Variants in KTN1 observed in about 807,000 individuals in gnomAD.
KTN1 encodes kinectin 1, also known as kinectin.
KTN1 carries 130 observed loss-of-function variants against 222.5 expected under a neutral mutation model. The observed-to-expected ratio is 0.58, with a 90% CI of 0.51 to 0.68. KTN1 has a LOEUF of 0.68. Ranked by LOEUF, KTN1 falls within the 30% of genes least tolerant of loss-of-function variation. The pLI is 0.00. For missense variants in KTN1, 1,508 were observed against 1,500.4 expected, an observed-to-expected ratio of 1.01 and a Z score of -0.08; for synonymous variants, 512 against 496.3, an observed-to-expected ratio of 1.03 and a Z score of -0.42.
chr14:55,637,056 A>G, intron 10 of KTN1, 142 bp from the exon 11 acceptor site: 1 of 552,040 alleles, frequency 1.8e-6, no homozygotes, highest in Non-Finnish European at 3.2e-6. Context: ...ACGCAAGTAT[A>G]GCCTGCTACA....
chr14:55,581,645 A>G (rs940736798), intron 1 of KTN1, among the ~76,000 whole-genome samples: 1 of 152,154 alleles, frequency 6.6e-6, no homozygotes, highest in Non-Finnish European at 1.5e-5. Flanking sequence ...ATAGGAGTTG[A>G]CTTAAAGTTA....
chr14:55,621,574 T>G (rs2039134075), intron 5 of KTN1, among the ~76,000 whole-genome samples: 1 of 152,148 alleles, frequency 6.6e-6, no homozygotes, highest in South Asian at 2.1e-4. Flanking sequence ...GGATTTTCCC[T>G]TTTAAAACCC....
rs534439479 is a variant in KTN1, at chr14:55,580,253, T to TGCGGCGGCGGCG, written c.-116_-105dup. Reference sequence around the variant, plus strand: ...AGCGGCGCGACGGCACCTGAGCGACTGCGGCGGCGGCGGCGGCGGCGGCGG... The same window carrying TGCGGCGGCGGCG: ...AGCGGCGCGACGGCACCTGAGCGACTGCGGCGGCGGCGGCGGCGGCGGCGGCGGCGGCGGCGG... On this transcript the variant is annotated 5_prime_UTR_variant, in exon 1 of 44. Transcript: ENST00000395314. 1,573 of 153,914 alleles carry TGCGGCGGCGGCG rather than the reference T, an allele frequency of 0.01. 19 individuals are homozygous for TGCGGCGGCGGCG. Among genetic ancestry groups the TGCGGCGGCGGCG allele is most frequent in the Non-Finnish European group, 0.016 (1,162 of 71,530 alleles). The allele number at this position is 153,914 out of a possible 1,614,324, so 9.5% of individuals were successfully genotyped here.
chr14:55,615,277 C>A (rs1266687151), intron 2 of KTN1, among the ~76,000 whole-genome samples: 1 of 152,070 alleles, frequency 6.6e-6, no homozygotes, highest in Admixed American at 6.6e-5. Context: ...ATATAATCAT[C>A]ACCACTAGCC....
At position 55,634,449 on chromosome 14, in the gene KTN1, C is replaced by T. The variant is rs566082826; in HGVS notation, c.1329-77C>T. ...GAACTACTAGCTCAGCTCAGCAAAA[C>T]TAACAAAGTATGTTTTGTTTATTTC... On this transcript the variant is annotated intron_variant, in intron 8 of 43. Coordinates refer to ENST00000395314, the MANE Select transcript of KTN1 (RefSeq NM_001079521.2). 32 of 726,372 alleles carry T rather than the reference C, an allele frequency of 4.4e-5. No homozygotes were observed. The African/African-American group carries it at 7.6e-4, about 17-fold the overall frequency. 45.0% of individuals were successfully genotyped at this position (726,372 alleles called of 1,614,324 possible). A position where few individuals can be genotyped will look rare whatever the true frequency, so the allele number is the denominator to read the frequency against.
intron 40 of KTN1, chr14:55,675,073 C>T (rs1281781153): frequency 6.6e-6 from 1 of 152,172 alleles, no homozygotes; most frequent in Non-Finnish European, 1.5e-5. Context: ...ATGTCACTGC[C>T]TTGTCTTTCC....
intron 23 of KTN1, 37 bp from the exon 24 acceptor site, chr14:55,650,532 T>G: frequency 6.4e-7 from 1 of 1,559,456 alleles, no homozygotes; most frequent in Non-Finnish European, 8.8e-7. Flanking sequence ...TTTCTGTGTT[T>G]CCATTGTCCA....
intron 13 of KTN1, 96 bp from the exon 14 acceptor site, chr14:55,639,817 T>C: frequency 1.3e-6 from 1 of 763,484 alleles, no homozygotes; most frequent in Non-Finnish European, 2.3e-6. Context: ...ATATGAGAAC[T>C]ACTGAAGTAA....
chr14:55,615,812 C>T (rs1470008435), intron 2 of KTN1, among the ~76,000 whole-genome samples: 1 of 150,798 alleles, frequency 6.6e-6, no homozygotes, highest in Non-Finnish European at 1.5e-5. Flanking sequence ...CCTTCTTTTC[C>T]TTCCTTTCCT....
chr14:55,586,768 C>T (rs2033096377), intron 1 of KTN1, among the ~76,000 whole-genome samples: 2 of 151,968 alleles, frequency 1.3e-5, no homozygotes, highest in African/African-American at 4.8e-5. Flanking sequence ...GTGGAGAAAA[C>T]AGTAAAAGCT....
chr14:55,602,585 CTTTT>C (rs565184612), intron 1 of KTN1, among the ~76,000 whole-genome samples: 1 of 144,536 alleles, frequency 6.9e-6, no homozygotes, highest in Admixed American at 6.9e-5. Flanking sequence ...TCAACACTGT[CTTTT>C]TTTTTTTTTT....
rs764489966 is a variant in KTN1 at position 55,612,547 on chromosome 14, CAGA to C, written c.505_507del (p.Lys169del). On this transcript the variant is annotated inframe_deletion, in exon 2 of 44. Transcript: ENST00000395314. The stretch of plus-strand genomic sequence containing the variant: ...AGCTGCCTCGAAGAAGAAACCAGGG[CAGA>C]AGAAGTCTAAAAATGGAAGCGGTAT... 8.3e-5 allele frequency: 131 copies of C among 1,584,210 alleles called. No homozygotes were observed. The highest frequency in any genetic ancestry group is 1.0e-4 in the Non-Finnish European group (121 of 1,172,178).
rs1179172193 is a variant in KTN1, at chr14:55,633,480, A to T, written c.1328+139A>T. ...TTTCTAAAATGAGTTACTTTTAAAA[A>T]CAATTCTCTTTTGCTTTGTGAAGAA... On this transcript the variant is annotated intron_variant, in intron 8 of 43. Coordinates refer to ENST00000395314, the MANE Select transcript of KTN1 (RefSeq NM_001079521.2). The T allele has an allele frequency of 9.9e-6, 5 of 507,562 alleles. No individual in the cohort carries two copies. In the Admixed American group the frequency reaches 2.0e-4, roughly 20 times the overall value. 31.4% of individuals were successfully genotyped at this position (507,562 alleles called of 1,614,324 possible). A position where few individuals can be genotyped will look rare whatever the true frequency, so the allele number is the denominator to read the frequency against.
chr14:55,634,656 A>T lies in KTN1; in HGVS notation c.1459A>T (p.Lys487Ter). The T allele has an allele frequency of 6.2e-7, 1 of 1,610,064 alleles. No individual in the cohort carries two copies. Among genetic ancestry groups the T allele is most frequent in the Non-Finnish European group, 8.5e-7 (1 of 1,178,438 alleles). The change falls in exon 9 of 44, where the codon AAG becomes TAG. Residue 487 changes from lysine (K) to a stop codon, truncating the protein, a stop_gained and splice_region_variant. Transcript: ENST00000395314. LOFTEE classifies it high-confidence loss of function. ...TGCTGAGCAAGCAGCTACTCAGTTG[A>T]AGGTGATATATTCTCACCTTTATTT... is the stretch of plus-strand genomic sequence containing the variant. ...KNAEQAATQLKVQLQEAERRW... is the reference protein window; with the variant it reads ...KNAEQAATQL
intron 6 of KTN1, among the ~76,000 whole-genome samples, chr14:55,628,271 C>G (rs965116755): frequency 1.3e-5 from 2 of 152,162 alleles, no homozygotes; most frequent in African/African-American, 2.4e-5. Context: ...AACAAAAGCA[C>G]TCTGTACAGA....
intron 43 of KTN1, chr14:55,682,661 A>G (rs1484991410): frequency 6.6e-6 from 1 of 152,142 alleles, no homozygotes; most frequent in African/African-American, 2.4e-5. Context: ...TATTATTACC[A>G]TGTTACAACA....
chr14:55,675,780 A>T, intron 40 of KTN1, 55 bp from the exon 41 acceptor site: 1 of 1,184,494 alleles, frequency 8.4e-7, no homozygotes, highest in East Asian at 2.4e-5. Flanking sequence ...AGGTATCAGC[A>T]TAATCAAAGA....
chr14:55,624,545 A>AT (rs1392531931), intron 5 of KTN1, among the ~76,000 whole-genome samples: 1 of 152,198 alleles, frequency 6.6e-6, no homozygotes, highest in African/African-American at 2.4e-5. Context: ...CAATTAACAT[A>AT]TTTCTCTGGA....
chr14:55,660,448 G>C (rs564667421), intron 31 of KTN1, among the ~76,000 whole-genome samples: 27 of 120,130 alleles, frequency 2.2e-4, no homozygotes, highest in African/African-American at 8.7e-4. Context: ...AATTTTCTCT[G>C]TGAGGCTACA....
Sources: allele counts gnomAD v4.1 joint callset (sites outside exome capture counted in the v4.1 genomes callset), GRCh38; gene constraint gnomAD v4.1.1; transcripts MANE v1.5; gene names NCBI Gene and HGNC (gene_info 2026-07-23, HGNC 2026-07-21).